Variants in ZFHX3 observed in about 807,000 individuals in gnomAD.
The protein encoded by ZFHX3 is zinc finger homeobox protein 3.
ZFHX3 carries 42 observed loss-of-function variants against 279.1 expected under a neutral mutation model. The ratio of observed to expected loss-of-function variants is 0.15; its 90% CI spans 0.12 to 0.19. The LOEUF is 0.19. ZFHX3 is among the 10% of genes least tolerant of loss of function. The pLI is 1.00. For synonymous variants in ZFHX3, 2,293 were observed against 1,957.8 expected (o/e 1.17, Z -4.52); for missense variants, 4,981 against 4,754.0 (o/e 1.05, Z -1.40).
rs558023917 is a variant in ZFHX3, at chr16:73,810,007, G to C, written c.-1608+81644C>G. Among the ~76,000 whole-genome samples, 39 of 152,232 alleles carry C rather than the reference G, an allele frequency of 2.6e-4. No homozygotes were observed. The South Asian group carries it at 7.7e-3, about 30-fold the overall frequency. ...TGCGGTGTCTAACTCCTCAGCCTTT[G>C]CACCAAAGAGGCAAATCTAGAATGT... is the stretch of plus-strand genomic sequence containing the variant. On this transcript the variant is annotated intron_variant, in intron 1 of 17. Coordinates refer to the ZFHX3 transcript ENST00000641206.
rs1387979473 is a variant in ZFHX3 at position 73,685,259 on chromosome 16, G to GC, written c.-1607-5020dup. Among the ~76,000 whole-genome samples, 13 of 151,924 alleles carry GC rather than the reference G, an allele frequency of 8.6e-5. No individual in the cohort carries two copies. The East Asian group carries it at 2.5e-3, about 29-fold the overall frequency. On this transcript the variant is annotated intron_variant, in intron 1 of 17. Transcript: ENST00000641206. The stretch of plus-strand genomic sequence containing the variant: ...TCTTGATCTCCTGACCTCGTGATCC[G>GC]CCCCCCTCAGCCTCCCAACGTGCTG...
intron 4 of ZFHX3, among the ~76,000 whole-genome samples, chr16:72,863,611 G>A (rs1484632721): frequency 6.6e-6 from 1 of 152,208 alleles, no homozygotes; most frequent in East Asian, 1.9e-4. Context: ...TTGAGTAAAC[G>A]GAAGCAGGGA....
intron 8 of ZFHX3, among the ~76,000 whole-genome samples, chr16:73,086,933 C>T (rs573050193): frequency 2.6e-5 from 4 of 151,834 alleles, no homozygotes; most frequent in South Asian, 2.1e-4. Context: ...AAACCAAAAC[C>T]ACAAAACAAC....
chr16:73,377,208 G>A (rs2049332690), intron 3 of ZFHX3, among the ~76,000 whole-genome samples: 1 of 152,036 alleles, frequency 6.6e-6, no homozygotes. Context: ...CTGACCTCAA[G>A]TGATCCACCC....
chr16:73,462,329 T>C (rs977263098), intron 2 of ZFHX3, among the ~76,000 whole-genome samples: 2 of 152,178 alleles, frequency 1.3e-5, no homozygotes, highest in Non-Finnish European at 2.9e-5. Flanking sequence ...CCCTTGAGAT[T>C]TTCAATGTTG....
intron 1 of ZFHX3, among the ~76,000 whole-genome samples, chr16:73,696,812 G>A (rs1453091757): frequency 6.6e-6 from 1 of 152,038 alleles, no homozygotes; most frequent in Non-Finnish European, 1.5e-5. Flanking sequence ...CATATCTTTA[G>A]TCTTCCCTGA....
At chr16:73,841,958 T>C (rs1021383801) in intron 1 of ZFHX3, among the ~76,000 whole-genome samples, 3 of 152,044 alleles carry the variant, frequency 2.0e-5, no homozygotes, top group African/African-American at 7.2e-5. Flanking sequence ...CTCACGCTGG[T>C]AATCCCAGCA....
intron 1 of ZFHX3, among the ~76,000 whole-genome samples, chr16:73,863,625 A>C (rs917702067): frequency 3.3e-5 from 5 of 152,220 alleles, no homozygotes; most frequent in African/African-American, 1.2e-4. Flanking sequence ...GTTATTTTAC[A>C]TGGCCTTCAT....
chr16:72,907,630 G>A (rs890976455), intron 3 of ZFHX3, among the ~76,000 whole-genome samples: 1 of 144,496 alleles, frequency 6.9e-6, no homozygotes, highest in African/African-American at 2.6e-5. Context: ...ACAGGTGCAG[G>A]CTCAGGCCAC....
chr16:73,660,312 T>C (rs529201116), intron 2 of ZFHX3, among the ~76,000 whole-genome samples: 3 of 152,350 alleles, frequency 2.0e-5, no homozygotes, highest in South Asian at 4.1e-4. Flanking sequence ...AGCATTTAAC[T>C]TTCCTTTAGA....
intron 7 of ZFHX3, among the ~76,000 whole-genome samples, chr16:73,112,715 CAAA>C (rs56149570): frequency 6.6e-5 from 2 of 30,258 alleles, no homozygotes; most frequent in African/African-American, 2.7e-4. Flanking sequence ...GACTCCATCT[CAAA>C]AAAAAAAAAA....
intron 5 of ZFHX3, among the ~76,000 whole-genome samples, chr16:72,813,532 C>G (rs2036521478): frequency 6.6e-6 from 1 of 152,212 alleles, no homozygotes; most frequent in Non-Finnish European, 1.5e-5. Flanking sequence ...GAGTGCACAT[C>G]TTGTGACCTT....
chr16:73,182,896 G>A (rs1489184476), intron 5 of ZFHX3, among the ~76,000 whole-genome samples: 1 of 150,396 alleles, frequency 6.6e-6, no homozygotes, highest in East Asian at 2.0e-4. Context: ...AGGCGGGAGG[G>A]GGGAGGGGTG....
rs867232817 is a variant in ZFHX3 at position 73,105,352 on chromosome 16, T to C, written c.-896-11754A>G. Among the ~76,000 whole-genome samples the C allele has an allele frequency of 1.3e-3, 129 of 102,366 alleles. 7 individuals are homozygous for C. The highest frequency in any genetic ancestry group is 6.8e-3 in the African/African-American group (110 of 16,180). The allele number at this position is 102,366 out of a possible 152,430, so 67.2% of individuals were successfully genotyped here. A position where few individuals can be genotyped will look rare whatever the true frequency, so the allele number is the denominator to read the frequency against. On this transcript the variant is annotated intron_variant, in intron 7 of 17. Transcript: ENST00000641206. ...ACACACACACGTGTGTATATATATA[T>C]ACACATATATATACACACATATATA...
intron 4 of ZFHX3, among the ~76,000 whole-genome samples, chr16:72,883,193 T>C (rs893204542): frequency 8.6e-5 from 13 of 152,036 alleles, no homozygotes; most frequent in African/African-American, 3.1e-4. Flanking sequence ...GAGGACTAAT[T>C]AAGGCAAATC....
At chr16:73,590,292 G>C (rs961005692) in intron 2 of ZFHX3, among the ~76,000 whole-genome samples, 1 of 152,196 alleles carries the variant, frequency 6.6e-6, no homozygotes, top group African/African-American at 2.4e-5. Context: ...CATCCAGATT[G>C]TGTCTCTAAT....
intron 5 of ZFHX3, among the ~76,000 whole-genome samples, chr16:73,204,903 T>C (rs1014223717): frequency 6.6e-6 from 1 of 152,174 alleles, no homozygotes; most frequent in Admixed American, 6.5e-5. Flanking sequence ...ATGAGTAGAC[T>C]GCTGAGTTTG....
intron 1 of ZFHX3, among the ~76,000 whole-genome samples, chr16:73,831,135 G>A (rs1960984808): frequency 6.6e-6 from 1 of 152,180 alleles, no homozygotes; most frequent in Non-Finnish European, 1.5e-5. Context: ...AGCTTCTCCA[G>A]GCAGGCAACT....
At chr16:73,668,555 G>C (rs913023125) in intron 2 of ZFHX3, among the ~76,000 whole-genome samples, 2 of 151,360 alleles carry the variant, frequency 1.3e-5, no homozygotes, top group Non-Finnish European at 2.9e-5. Context: ...AACATGTGGT[G>C]TTTGGTTTTC....
Sources: gnomAD v4.1 joint callset for allele counts (sites outside exome capture counted in the v4.1 genomes callset) on GRCh38, gnomAD v4.1.1 for gene constraint, MANE v1.5 for transcripts, NCBI Gene and HGNC (gene_info 2026-07-23, HGNC 2026-07-21) for gene names.